ZNF710: variants seen among roughly 807,000 people sequenced by gnomAD.
ZNF710 encodes the protein zinc finger protein 710.
In ZNF710, 13 loss-of-function variants were observed where a neutral mutation model predicts 50.6. The ratio of observed to expected loss-of-function variants is 0.26; its 90% CI spans 0.17 to 0.41. The LOEUF is 0.41. Among genes scored for constraint, ZNF710 ranks in the 10% least tolerant of loss-of-function variants. The pLI is 1.00. For synonymous variants in ZNF710, 383 were observed against 397.0 expected (o/e 0.96, Z 0.42); for missense variants, 721 against 936.6 (o/e 0.77, Z 3.01).
chr15:90,056,123 A>G (rs1369500954), intron 1 of ZNF710, among the ~76,000 whole-genome samples: 1 of 145,096 alleles, frequency 6.9e-6, no homozygotes, highest in Non-Finnish European at 1.5e-5. Context: ...CTTAAAAAAA[A>G]AAAAGGCCAG....
chr15:90,029,334 C>A (rs982675216), intron 1 of ZNF710, among the ~76,000 whole-genome samples: 2 of 152,200 alleles, frequency 1.3e-5, no homozygotes, highest in Non-Finnish European at 2.9e-5. Flanking sequence ...CCTGGTCCAA[C>A]CTAAAAGGTC....
chr15:90,055,299 G>A (rs1291662933), intron 1 of ZNF710, among the ~76,000 whole-genome samples: 2 of 152,192 alleles, frequency 1.3e-5, no homozygotes, highest in Non-Finnish European at 2.9e-5. Flanking sequence ...AAAGCTGAAG[G>A]GAGAGGAATG....
In ZNF710 at chr15:90,012,374, G is replaced by C. The variant is rs1368473898; in HGVS notation, c.-29+10760G>C. 2.9e-5 allele frequency among the ~76,000 whole-genome samples: 4 copies of C among 136,318 alleles called. No homozygotes were observed. In the Admixed American group the frequency reaches 3.3e-4, roughly 11 times the overall value. 89.4% of individuals were successfully genotyped at this position (136,318 alleles called of 152,430 possible). A position where few individuals can be genotyped will look rare whatever the true frequency, so the allele number is the denominator to read the frequency against. ...GTGGCACAATCTTGGCTCACTGCAA[G>C]CTCCGCCCCCCGGGTTCACACCATT... On this transcript the variant is annotated intron_variant, in intron 1 of 4. Coordinates refer to ENST00000268154, the MANE Select transcript of ZNF710 (RefSeq NM_198526.4).
At chr15:90,036,962 G>A (rs185132394) in intron 1 of ZNF710, among the ~76,000 whole-genome samples, 19 of 152,268 alleles carry the variant, frequency 1.2e-4, no homozygotes, top group African/African-American at 3.4e-4. Flanking sequence ...TTCAAAGAAC[G>A]CAAGAATTCT....
At chr15:90,004,695 G>C (rs1898094688) in intron 1 of ZNF710, among the ~76,000 whole-genome samples, 1 of 152,216 alleles carries the variant, frequency 6.6e-6, no homozygotes, top group Non-Finnish European at 1.5e-5. Flanking sequence ...TTCAGAGCCT[G>C]TTCCCAGTGC....
At chr15:90,018,035 T>C (rs372752814) in intron 1 of ZNF710, among the ~76,000 whole-genome samples, 30 of 152,230 alleles carry the variant, frequency 2.0e-4, no homozygotes, top group African/African-American at 7.0e-4. Flanking sequence ...AGCATTCTGC[T>C]CCATCATCTT....
intron 1 of ZNF710, among the ~76,000 whole-genome samples, chr15:90,045,818 CT>C (rs1427723055): frequency 1.3e-5 from 2 of 152,058 alleles, no homozygotes; most frequent in Non-Finnish European, 2.9e-5. Flanking sequence ...TGCATGAAAG[CT>C]TTGAGCTGGA....
At chr15:90,029,184 A>G (rs553180134) in intron 1 of ZNF710, among the ~76,000 whole-genome samples, 1 of 152,324 alleles carries the variant, frequency 6.6e-6, no homozygotes, top group South Asian at 2.1e-4. Context: ...GTGTGGAATG[A>G]GTGCCCACTG....
In ZNF710 at chr15:90,079,767, G is replaced by A. The variant is rs769385340; in HGVS notation, c.1933G>A (p.Ala645Thr). ...AYSYASVDSS[A>T]EASVLTEQAM... is the part of the protein sequence containing the mutation. ...CAGCTATGCGAGCGTGGACAGCAGC[G>A]CCGAGGCCAGTGTCCTCACTGAACA... The change falls in exon 5 of 5, where the codon GCC (alanine) becomes ACC (threonine). Residue 645 changes from alanine (A) to threonine (T), a missense_variant. This residue lies in a region of ZNF710 where 69 missense variants were observed against 67.6 expected (regional missense o/e 1.02). Coordinates refer to ENST00000268154, the MANE Select transcript of ZNF710 (RefSeq NM_198526.4). 46 of 1,613,108 alleles carry A rather than the reference G, an allele frequency of 2.9e-5. 2 individuals carry two copies. The South Asian group carries it at 3.7e-4, about 13-fold the overall frequency.
Position 90,011,887 on chromosome 15 carries a change from T to C in ZNF710, c.-29+10273T>C, listed in dbSNP as rs141204392. 1.3e-3 allele frequency among the ~76,000 whole-genome samples: 204 copies of C among 152,346 alleles called. 1 individual carries two copies. Among genetic ancestry groups the C allele is most frequent in the Middle Eastern group, 0.01 (3 of 294 alleles). On this transcript the variant is annotated intron_variant, in intron 1 of 4. Coordinates refer to ENST00000268154, the MANE Select transcript of ZNF710 (RefSeq NM_198526.4). ...TCAGTATTTACAAGCGTCATTCCAC[T>C]GTCTTCAGGCTTTCATTGTTGATAT...
chr15:90,038,881 C>T (rs1051014093), intron 1 of ZNF710, among the ~76,000 whole-genome samples: 2 of 152,208 alleles, frequency 1.3e-5, no homozygotes, highest in African/African-American at 4.8e-5. Context: ...AGTCCTAAGG[C>T]AGAGAGGCTA....
chr15:90,044,977 C>T (rs900942031), intron 1 of ZNF710, among the ~76,000 whole-genome samples: 11 of 152,270 alleles, frequency 7.2e-5, no homozygotes, highest in African/African-American at 2.6e-4. Context: ...ACAATCACTG[C>T]TCCCTCCCCC....
Position 90,074,769 on chromosome 15 carries a change from C to T in ZNF710, c.1825+479C>T, listed in dbSNP as rs553442900. The T allele has an allele frequency of 3.6e-5, 12 of 335,812 alleles. No individual in the cohort carries two copies. In the East Asian group the frequency reaches 1.2e-3, roughly 32 times the overall value. 20.8% of individuals were successfully genotyped at this position (335,812 alleles called of 1,614,324 possible). A position where few individuals can be genotyped will look rare whatever the true frequency, so the allele number is the denominator to read the frequency against. ...AGTTAGAAAGGGGAAAAAATGGCAGCCGGAAAGATAAGGGAGAGCCAGGTG... is the reference window on the plus strand; with the variant it reads ...AGTTAGAAAGGGGAAAAAATGGCAGTCGGAAAGATAAGGGAGAGCCAGGTG... On this transcript the variant is annotated intron_variant, in intron 4 of 4. Transcript: ENST00000268154.
intron 1 of ZNF710, among the ~76,000 whole-genome samples, chr15:90,030,147 T>A (rs1028211618): frequency 6.7e-6 from 1 of 150,348 alleles, no homozygotes; most frequent in African/African-American, 2.4e-5. Context: ...CTGGCCAACA[T>A]GGTGAAACCC....
chr15:90,053,097 C>T (rs1247491863), intron 1 of ZNF710, among the ~76,000 whole-genome samples: 1 of 152,230 alleles, frequency 6.6e-6, no homozygotes, highest in Non-Finnish European at 1.5e-5. Flanking sequence ...GGCACAGACA[C>T]ATGGGTGGGA....
rs1900201265 is a variant in ZNF710, at chr15:90,067,288, C to G, written c.151C>G (p.Leu51Val). Residue 51 changes from leucine (L) to valine (V), a missense_variant, in exon 2 of 5, where the codon CTT becomes GTT. Leu to Val is a conservative substitution (Grantham distance 32). This residue lies in a region of ZNF710 where 326 missense variants were observed against 347.1 expected (regional missense o/e 0.94). Coordinates refer to ENST00000268154, the MANE Select transcript of ZNF710 (RefSeq NM_198526.4). The surrounding 1 kb of genome is among the most constrained non-coding windows in gnomAD (Gnocchi z 8.1). ...CTTCTACCCGGACCTGGGGCCCGAGCTTTCAGGGGCAGCCATGGGAGAGCC... is the reference window on the plus strand; with the variant it reads ...CTTCTACCCGGACCTGGGGCCCGAGGTTTCAGGGGCAGCCATGGGAGAGCC... ...EAFYPDLGPE[L>V]SGAAMGEPEP... The G allele has an allele frequency of 6.2e-7, 1 of 1,611,652 alleles. No individual in the cohort carries two copies. Among genetic ancestry groups the G allele is most frequent in the Non-Finnish European group, 8.5e-7 (1 of 1,179,206 alleles).
chr15:90,061,513 C>A (rs1425766657), intron 1 of ZNF710, among the ~76,000 whole-genome samples: 1 of 152,160 alleles, frequency 6.6e-6, no homozygotes, highest in African/African-American at 2.4e-5. Context: ...GGGAACTAGT[C>A]AAAGAGTGTC....
intron 1 of ZNF710, among the ~76,000 whole-genome samples, chr15:90,047,629 G>C (rs1051525611): frequency 6.9e-6 from 1 of 145,746 alleles, no homozygotes; most frequent in East Asian, 2.0e-4. Flanking sequence ...TCTGTCGCCA[G>C]GCTGGGGTGT....
chr15:90,038,083 G>A (rs1899184314), intron 1 of ZNF710, among the ~76,000 whole-genome samples: 1 of 152,198 alleles, frequency 6.6e-6, no homozygotes, highest in African/African-American at 2.4e-5. Flanking sequence ...GGCTGGGCTG[G>A]GTGGGTCTGT....
Sources: allele counts gnomAD v4.1 joint callset (sites outside exome capture counted in the v4.1 genomes callset), GRCh38; gene constraint gnomAD v4.1.1; regional missense constraint gnomAD v4.1.1; non-coding constraint Gnocchi (gnomAD v3.1); transcripts MANE v1.5; gene names NCBI Gene and HGNC (gene_info 2026-07-23, HGNC 2026-07-21).